The following KIFAP3 variants were observed in gnomAD, a reference collection of about 807,000 sequenced individuals.
KIFAP3 encodes the protein kinesin associated protein 3.
Under a neutral mutation model 106.5 loss-of-function variants are expected in KIFAP3, and 68 were observed. The ratio of observed to expected loss-of-function variants is 0.64; its 90% CI spans 0.53 to 0.78. The LOEUF (loss-of-function observed/expected upper bound fraction) is 0.78. KIFAP3 is among the 30% of genes least tolerant of loss of function. The probability of loss-of-function intolerance (pLI) is 0.00; values close to 1 mark genes in which losing one functional copy is unlikely to be tolerated. For missense variants in KIFAP3, 780 were observed against 941.8 expected (o/e 0.83, Z 2.25); for synonymous variants, 320 against 311.5 (o/e 1.03, Z -0.29).
upstream of KIFAP3, among the ~76,000 whole-genome samples, chr1:170,077,732 C>A (rs1671947417): frequency 6.6e-6 from 1 of 152,200 alleles, no homozygotes; most frequent in South Asian, 2.1e-4. Flanking sequence ...CAACCCCAGG[C>A]TCTGGTAAAT....
intron 11 of KIFAP3, among the ~76,000 whole-genome samples, chr1:169,990,874 G>A (rs1181318576): frequency 6.6e-6 from 1 of 151,944 alleles, no homozygotes; most frequent in African/African-American, 2.4e-5. Context: ...GAATTTTGAT[G>A]AAACATTTTC....
intron 1 of KIFAP3, among the ~76,000 whole-genome samples, chr1:170,058,513 T>C (rs1670967324): frequency 1.3e-5 from 2 of 152,106 alleles, no homozygotes; most frequent in Non-Finnish European, 2.9e-5. Context: ...TTTCCACAGT[T>C]TACAGCATGG....
chr1:170,054,915 A>G (rs753181235), intron 2 of KIFAP3, among the ~76,000 whole-genome samples: 8 of 152,206 alleles, frequency 5.3e-5, no homozygotes, highest in Non-Finnish European at 1.2e-4. Flanking sequence ...ACCATGGCAC[A>G]TGTATATCTA....
chr1:170,020,912 A>G (rs565505638), intron 9 of KIFAP3, among the ~76,000 whole-genome samples: 42 of 152,312 alleles, frequency 2.8e-4, no homozygotes, highest in African/African-American at 9.4e-4. Context: ...ACATAGGAAA[A>G]AATCTTTGTG....
At chr1:169,951,381 G>A (rs1187732113) in intron 19 of KIFAP3, among the ~76,000 whole-genome samples, 1 of 151,836 alleles carries the variant, frequency 6.6e-6, no homozygotes. Flanking sequence ...TTGAAAAACA[G>A]TCTATAGTAA....
chr1:170,077,354 C>G (rs1201945948), upstream of KIFAP3, among the ~76,000 whole-genome samples: 1 of 152,078 alleles, frequency 6.6e-6, no homozygotes, highest in Admixed American at 6.5e-5. Flanking sequence ...AAGTATTGAG[C>G]TTAGTAGAAA....
At chr1:170,047,238 CT>C (rs1278612801) in intron 2 of KIFAP3, among the ~76,000 whole-genome samples, 14 of 151,964 alleles carry the variant, frequency 9.2e-5, no homozygotes, top group Non-Finnish European at 1.8e-4. Context: ...CAAATGCTAA[CT>C]TTTTTTCAGC....
chr1:170,032,565 C>T (rs910435845), intron 7 of KIFAP3, among the ~76,000 whole-genome samples: 4 of 151,654 alleles, frequency 2.6e-5, no homozygotes, highest in African/African-American at 9.7e-5. Flanking sequence ...GGACTTCTTG[C>T]AAAAATAATC....
chr1:169,964,816 A>T lies in KIFAP3; in HGVS notation c.1984-3581T>A, dbSNP rs548118449. 5.9e-5 allele frequency among the ~76,000 whole-genome samples: 9 copies of T among 152,352 alleles called. No homozygotes were observed. The East Asian group carries it at 1.7e-3, about 29-fold the overall frequency. ...AAGTAATTTAGCCTAAATGCTAAAT[A>T]TAACTGTGAACCTCTTTAAGATTCA... On this transcript the variant is annotated intron_variant, in intron 17 of 19. Transcript: ENST00000361580.
At chr1:170,059,443 C>T (rs1414285110) in intron 1 of KIFAP3, among the ~76,000 whole-genome samples, 1 of 151,990 alleles carries the variant, frequency 6.6e-6, no homozygotes, top group Non-Finnish European at 1.5e-5. Context: ...ACACATACAC[C>T]CTCCCAAGAC....
intron 1 of KIFAP3, among the ~76,000 whole-genome samples, chr1:170,063,845 G>A (rs972772136): frequency 3.3e-5 from 5 of 151,920 alleles, no homozygotes; most frequent in African/African-American, 1.2e-4. Flanking sequence ...ATACCTTTTG[G>A]GATAATGACT....
At chr1:169,990,692 G>A (rs1667048408) in intron 11 of KIFAP3, among the ~76,000 whole-genome samples, 1 of 151,934 alleles carries the variant, frequency 6.6e-6, no homozygotes, top group Admixed American at 6.6e-5. Flanking sequence ...ATGATGTACA[G>A]AATCTCTACC....
rs774569071 is a variant in KIFAP3, at chr1:170,074,462, T to C, written c.6A>G (p.Gln2=). M[Q]GEDARYLKRK... ...TTTTGAGGTATCTGGCGTCCTCCCC[T>C]TGCATGGCGGCAGCGGCAGCGGCGT... Residue 2 remains glutamine, a synonymous_variant, in exon 1 of 20, where the codon CAA becomes CAG. Coordinates refer to ENST00000361580, the MANE Select transcript of KIFAP3 (RefSeq NM_014970.4). 6.2e-7 allele frequency: 1 copy of C among 1,608,680 alleles called. No individual in the cohort carries two copies. Among genetic ancestry groups the C allele is most frequent in the Non-Finnish European group, 8.5e-7 (1 of 1,175,062 alleles).
chr1:170,060,991 C>T (rs1454652188), intron 1 of KIFAP3, among the ~76,000 whole-genome samples: 1 of 152,176 alleles, frequency 6.6e-6, no homozygotes, highest in Non-Finnish European at 1.5e-5. Flanking sequence ...CCCTTCCTTA[C>T]ACCTTATACA....
At chr1:169,965,521 C>T (rs1665564822) in intron 17 of KIFAP3, among the ~76,000 whole-genome samples, 1 of 151,908 alleles carries the variant, frequency 6.6e-6, no homozygotes, top group Non-Finnish European at 1.5e-5. Context: ...TAAAAATATC[C>T]TTAAACTACA....
chr1:170,028,403 T>C (rs1315745726), intron 8 of KIFAP3, among the ~76,000 whole-genome samples: 1 of 152,202 alleles, frequency 6.6e-6, no homozygotes, highest in African/African-American at 2.4e-5. Context: ...AATGGTGCGA[T>C]CTTGGCTCAT....
intron 17 of KIFAP3, among the ~76,000 whole-genome samples, chr1:169,967,287 C>T (rs57038529): frequency 0.018 from 2,715 of 151,924 alleles, 80 homozygotes; most frequent in African/African-American, 0.062. Flanking sequence ...AACATTATAT[C>T]CCCCTCCTGG....
At chr1:170,027,449 T>C (rs1419292784) in intron 8 of KIFAP3, among the ~76,000 whole-genome samples, 9 of 152,120 alleles carry the variant, frequency 5.9e-5, no homozygotes, top group Admixed American at 5.2e-4. Context: ...AAACGGAACA[T>C]TATGTCATAT....
chr1:170,067,144 C>T (rs1307397236), intron 1 of KIFAP3, among the ~76,000 whole-genome samples: 1 of 151,184 alleles, frequency 6.6e-6, no homozygotes, highest in African/African-American at 2.4e-5. Context: ...AAGAAAACAC[C>T]CAGAATAAAA....
Sources: allele counts gnomAD v4.1 joint callset (sites outside exome capture counted in the v4.1 genomes callset), GRCh38; gene constraint gnomAD v4.1.1; transcripts MANE v1.5; gene names NCBI Gene and HGNC (gene_info 2026-07-23, HGNC 2026-07-21).